PHACTR4: variants seen among roughly 807,000 people sequenced by gnomAD.
The protein encoded by PHACTR4 is phosphatase and actin regulator 4.
In PHACTR4, 51 loss-of-function variants were observed where a neutral mutation model predicts 72.7. The observed-to-expected ratio is 0.70, with a 90% CI of 0.56 to 0.89. The LOEUF is 0.89. Among genes scored for constraint, PHACTR4 ranks in the 40% least tolerant of loss-of-function variants. PHACTR4 has a pLI of 0.00. For synonymous variants in PHACTR4, 255 were observed against 302.5 expected (o/e 0.84, Z 1.63); for missense variants, 731 against 861.8 (o/e 0.85, Z 1.90).
At chr1:28,372,421 A>C (rs1651316585) in intron 1 of PHACTR4, among the ~76,000 whole-genome samples, 1 of 152,112 alleles carries the variant, frequency 6.6e-6, no homozygotes, top group Non-Finnish European at 1.5e-5. Context: ...TGAGAATCCT[A>C]GATTGTATTA....
chr1:28,374,768 G>A (rs922450962), intron 1 of PHACTR4, among the ~76,000 whole-genome samples: 2 of 152,180 alleles, frequency 1.3e-5, no homozygotes, highest in Non-Finnish European at 2.9e-5. Flanking sequence ...ACTGATTAGG[G>A]TTGGCTGGGA....
chr1:28,379,976 C>CT lies in PHACTR4; in HGVS notation c.-39+10159dup, dbSNP rs775856530. On this transcript the variant is annotated intron_variant, in intron 1 of 13. Coordinates refer to ENST00000373839, the MANE Select transcript of PHACTR4 (RefSeq NM_001048183.3). Reference sequence around the variant, plus strand: ...TCTCAACTTGTGTTTCTATTATCAACTTTTTTTTAACTTTTGGACAGACTA... The same window carrying CT: ...TCTCAACTTGTGTTTCTATTATCAACTTTTTTTTTAACTTTTGGACAGACTA... Among the ~76,000 whole-genome samples the CT allele has an allele frequency of 3.4e-4, 51 of 148,630 alleles. No individual in the cohort carries two copies. The East Asian group carries it at 5.5e-3, about 16-fold the overall frequency.
At chr1:28,496,374 G>A (rs934938110) in intron 13 of PHACTR4, among the ~76,000 whole-genome samples, 160 bp from the exon 14 acceptor site, 2 of 151,998 alleles carry the variant, frequency 1.3e-5, no homozygotes, top group Admixed American at 6.6e-5. Flanking sequence ...TTTTAAGAAG[G>A]AAGCAGATGA....
At chr1:28,480,654 GTGTTAGATGT>G (rs753971647) in intron 9 of PHACTR4, 50 bp downstream of exon 9, 1 of 1,603,384 alleles carries the variant, frequency 6.2e-7, no homozygotes, top group Non-Finnish European at 8.5e-7. Flanking sequence ...GCCAGTATTT[GTGTTAGATGT>G]TGTTAGATGT....
At chr1:28,385,853 G>T (rs957993671) in intron 1 of PHACTR4, among the ~76,000 whole-genome samples, 1 of 151,956 alleles carries the variant, frequency 6.6e-6, no homozygotes, top group African/African-American at 2.4e-5. Flanking sequence ...GACCTCAGGT[G>T]ATCCGCCCTC....
chr1:28,405,311 C>G (rs542889876), intron 1 of PHACTR4, among the ~76,000 whole-genome samples: 1 of 152,098 alleles, frequency 6.6e-6, no homozygotes, highest in African/African-American at 2.4e-5. Context: ...TCCTTTGAAG[C>G]ACAAAACTTT....
intron 2 of PHACTR4, among the ~76,000 whole-genome samples, chr1:28,445,486 C>CT (rs149709657): frequency 0.61 from 91,533 of 150,572 alleles, 29,338 homozygotes; most frequent in African/African-American, 0.78. Context: ...TTTTACCTCT[C>CT]TTTTTTTTTC....
chr1:28,474,795 G>A (rs1278194715), intron 7 of PHACTR4, among the ~76,000 whole-genome samples: 1 of 151,876 alleles, frequency 6.6e-6, no homozygotes, highest in Non-Finnish European at 1.5e-5. Context: ...CACCTGCATC[G>A]GTCTCACAAA....
intron 2 of PHACTR4, among the ~76,000 whole-genome samples, chr1:28,450,993 T>TTTTTTTTTTTTTTTTC (rs1657922404): frequency 7.1e-6 from 1 of 141,464 alleles, no homozygotes; most frequent in Non-Finnish European, 1.5e-5. Context: ...TTTTTTTTTT[T>TTTTTTTTTTTTTTTTC]TGTATTTTTA....
At chr1:28,472,578 AT>A (rs1048190116) in intron 6 of PHACTR4, among the ~76,000 whole-genome samples, 1 of 151,426 alleles carries the variant, frequency 6.6e-6, no homozygotes, top group Non-Finnish European at 1.5e-5. Context: ...GAATGTTTAA[AT>A]TTTTTAATGG....
intron 1 of PHACTR4, among the ~76,000 whole-genome samples, chr1:28,374,006 G>A (rs1651453463): frequency 6.6e-6 from 1 of 152,140 alleles, no homozygotes; most frequent in Non-Finnish European, 1.5e-5. Flanking sequence ...TGGAGAAAAT[G>A]GAAAATATTT....
intron 1 of PHACTR4, among the ~76,000 whole-genome samples, chr1:28,378,339 TAAA>T (rs564072221): frequency 7.4e-6 from 1 of 134,978 alleles, no homozygotes. Flanking sequence ...CCGTCTCTAC[TAAA>T]AAAAAAAAAA....
rs533427120 is a variant in PHACTR4, at chr1:28,473,132, G to A, written c.824-422G>A. On this transcript the variant is annotated intron_variant, in intron 6 of 13. Transcript: ENST00000373839. The stretch of plus-strand genomic sequence containing the variant: ...TCTACTAAAAATACAAAAATTAGCC[G>A]GGCCGTAGTGGCGTGCGCCTGTAAT... Among the ~76,000 whole-genome samples the A allele has an allele frequency of 1.4e-4, 21 of 151,636 alleles. No individual in the cohort carries two copies. The East Asian group carries it at 4.1e-3, about 30-fold the overall frequency.
intron 2 of PHACTR4, among the ~76,000 whole-genome samples, chr1:28,430,322 C>T (rs1222019133): frequency 3.3e-5 from 5 of 152,176 alleles, no homozygotes; most frequent in Admixed American, 3.3e-4. Context: ...CTGCGCCCGG[C>T]CTTCCAGACA....
At chr1:28,376,255 A>G (rs897644480) in intron 1 of PHACTR4, among the ~76,000 whole-genome samples, 32 of 150,936 alleles carry the variant, frequency 2.1e-4, no homozygotes, top group Admixed American at 8.6e-4. Flanking sequence ...GGAGGTTGCA[A>G]TGAGCCAAGA....
intron 2 of PHACTR4, among the ~76,000 whole-genome samples, chr1:28,455,674 C>T (rs1185749574): frequency 6.6e-6 from 1 of 152,138 alleles, no homozygotes; most frequent in Non-Finnish European, 1.5e-5. Flanking sequence ...TCTGAAAGTC[C>T]TACCTCCTGG....
At chr1:28,496,334 G>T (rs1272973291) in intron 13 of PHACTR4, among the ~76,000 whole-genome samples, 200 bp from the exon 14 acceptor site, 1 of 151,998 alleles carries the variant, frequency 6.6e-6, no homozygotes, top group Non-Finnish European at 1.5e-5. Context: ...GGGATTACAG[G>T]TGTGAACCAT....
chr1:28,463,684 C>G (rs1658958183), intron 4 of PHACTR4, among the ~76,000 whole-genome samples: 2 of 152,144 alleles, frequency 1.3e-5, no homozygotes, highest in African/African-American at 4.8e-5. Flanking sequence ...AGTACCTTTT[C>G]ACTTGCCTTA....
intron 2 of PHACTR4, chr1:28,457,952 C>G: frequency 1.3e-6 from 1 of 761,062 alleles, no homozygotes; most frequent in Non-Finnish European, 1.6e-6. Flanking sequence ...AATTCTTGGC[C>G]CCGCCTTGGC....
Sources: gnomAD v4.1 joint callset for allele counts (sites outside exome capture counted in the v4.1 genomes callset) on GRCh38, gnomAD v4.1.1 for gene constraint, MANE v1.5 for transcripts, NCBI Gene and HGNC (gene_info 2026-07-23, HGNC 2026-07-21) for gene names.